AKAP19: variants seen among roughly 807,000 people sequenced by gnomAD.
AKAP19 encodes the protein A-kinase anchoring protein 19, also known as small A-kinase anchoring protein.
the AKAP19 span, among the ~76,000 whole-genome samples, chr2:189,895,593 G>T: frequency 6.6e-6 from 1 of 152,074 alleles, no homozygotes; most frequent in African/African-American, 2.4e-5. Flanking sequence ...AGGTGTTAAT[G>T]TACCAATACT....
At chr2:189,891,437 AT>A in the AKAP19 span, among the ~76,000 whole-genome samples, 247 of 147,910 alleles carry the variant, frequency 1.7e-3, 3 homozygotes, top group African/African-American at 6.3e-3. Flanking sequence ...GTTAGTCAGG[AT>A]GGTCTCAATC....
the AKAP19 span, among the ~76,000 whole-genome samples, chr2:190,074,193 G>A: frequency 6.6e-5 from 10 of 151,950 alleles, no homozygotes; most frequent in Non-Finnish European, 1.2e-4. Context: ...TAAATGCAAC[G>A]TACTTTCCAA....
At chr2:189,975,654 A>G in the AKAP19 span, among the ~76,000 whole-genome samples, 4 of 152,104 alleles carry the variant, frequency 2.6e-5, no homozygotes, top group African/African-American at 9.7e-5. Flanking sequence ...ACATAGTCCC[A>G]TATATCTTGG....
the AKAP19 span, among the ~76,000 whole-genome samples, chr2:189,920,243 T>C: frequency 7.9e-5 from 12 of 152,332 alleles, no homozygotes; most frequent in African/African-American, 2.6e-4. Context: ...AGGACTGATA[T>C]GGCAGTTTGA....
At chr2:190,087,267 C>T in the AKAP19 span, among the ~76,000 whole-genome samples, 1 of 152,290 alleles carries the variant, frequency 6.6e-6, no homozygotes, top group Admixed American at 6.5e-5. Context: ...ACCATTTCTT[C>T]AACTCAGATT....
the AKAP19 span, among the ~76,000 whole-genome samples, chr2:190,113,557 C>T: frequency 6.6e-6 from 1 of 152,206 alleles, no homozygotes. Flanking sequence ...CACTACCTGG[C>T]ATACCTGCAA....
chr2:189,894,392 T>G, the AKAP19 span, among the ~76,000 whole-genome samples: 1 of 152,164 alleles, frequency 6.6e-6, no homozygotes, highest in Admixed American at 6.5e-5. Flanking sequence ...ATCTTACCTA[T>G]TTCTTCCACA....
the AKAP19 span, among the ~76,000 whole-genome samples, chr2:189,958,618 A>T: frequency 1.3e-5 from 2 of 150,722 alleles, no homozygotes; most frequent in Admixed American, 1.3e-4. Context: ...ATCCATTAGA[A>T]CCTCTTGCAT....
the AKAP19 span, among the ~76,000 whole-genome samples, chr2:190,040,165 C>T: frequency 6.6e-6 from 1 of 152,174 alleles, no homozygotes; most frequent in Non-Finnish European, 1.5e-5. Flanking sequence ...TCCTTTTTCT[C>T]CACAACCTTG....
At chr2:190,172,504 C>T in the AKAP19 span, among the ~76,000 whole-genome samples, 1 of 152,090 alleles carries the variant, frequency 6.6e-6, no homozygotes, top group Admixed American at 6.6e-5. Flanking sequence ...ATCAGAAGTC[C>T]ACCAGTTTTG....
chr2:189,965,743 A>G, the AKAP19 span, among the ~76,000 whole-genome samples: 1 of 152,186 alleles, frequency 6.6e-6, no homozygotes, highest in African/African-American at 2.4e-5. Flanking sequence ...CAGTGTGGAG[A>G]TTCCTTAAAG....
At chr2:190,079,985 G>A in the AKAP19 span, 1 of 152,036 alleles carries the variant, frequency 6.6e-6, no homozygotes, top group South Asian at 2.1e-4. Flanking sequence ...TGGTGACCAG[G>A]TGAAATAGAT....
the AKAP19 span, among the ~76,000 whole-genome samples, chr2:190,039,377 C>T: frequency 6.6e-6 from 1 of 152,310 alleles, no homozygotes; most frequent in African/African-American, 2.4e-5. Context: ...CTGCGCCCAG[C>T]CTCATTCTAT....
the AKAP19 span, among the ~76,000 whole-genome samples, chr2:189,891,190 A>T: frequency 1.4e-5 from 2 of 143,636 alleles, no homozygotes; most frequent in African/African-American, 2.6e-5. Flanking sequence ...TTGGCTAGAT[A>T]TGAAATTCTA....
chr2:190,036,577 C>T, the AKAP19 span, among the ~76,000 whole-genome samples: 7 of 142,204 alleles, frequency 4.9e-5, no homozygotes, highest in African/African-American at 1.8e-4. Context: ...TTTGATTAAG[C>T]TAAGACAGGT....
the AKAP19 span, among the ~76,000 whole-genome samples, chr2:190,139,966 G>A: frequency 3.0e-4 from 46 of 152,130 alleles, no homozygotes; most frequent in Non-Finnish European, 6.0e-4. Context: ...AAGCAAGTTA[G>A]TTACTTCCTA....
the AKAP19 span, among the ~76,000 whole-genome samples, chr2:189,895,205 A>G: frequency 5.9e-5 from 9 of 152,114 alleles, no homozygotes; most frequent in African/African-American, 2.2e-4. Context: ...AGAGAAGAAG[A>G]AAGGGAGTGA....
At chr2:190,201,597 T>TTGAAACCCACAATCAAATAGAGTGAATTC in the AKAP19 span, 1 of 167,028 alleles carries the variant, frequency 6.0e-6, no homozygotes, top group Admixed American at 6.6e-5. Context: ...CACTAATACT[T>TTGAAACCCACAATCAAATAGAGTGAATTC]TGAAACCCAC....
chr2:189,893,050 A>G, the AKAP19 span, among the ~76,000 whole-genome samples: 1 of 151,958 alleles, frequency 6.6e-6, no homozygotes, highest in African/African-American at 2.4e-5. Flanking sequence ...AAAATCGCCT[A>G]CTCAAGCCTC....
Sources: allele counts gnomAD v4.1 joint callset (sites outside exome capture counted in the v4.1 genomes callset), GRCh38; gene constraint gnomAD v4.1.1; transcripts MANE v1.5; gene names NCBI Gene and HGNC (gene_info 2026-07-23, HGNC 2026-07-21).